DZIP1L: variants seen among roughly 807,000 people sequenced by gnomAD.
The protein encoded by DZIP1L is cilium assembly protein DZIP1L.
Under a neutral mutation model 88.7 loss-of-function variants are expected in DZIP1L, and 90 were observed. The observed-to-expected ratio is 1.02, with a 90% CI of 0.86 to 1.21. The LOEUF is 1.21. Ranked by LOEUF, DZIP1L falls within the 50% of genes most tolerant of loss-of-function variation. The pLI is 0.00. For synonymous variants in DZIP1L, 363 were observed against 372.1 expected (o/e 0.98, Z 0.28); for missense variants, 932 against 955.8 (o/e 0.98, Z 0.33).
At chr3:138,089,875 G>A (rs920613434) in intron 5 of DZIP1L, among the ~76,000 whole-genome samples, 23 of 152,062 alleles carry the variant, frequency 1.5e-4, no homozygotes, top group Admixed American at 3.9e-4. Flanking sequence ...TGGGCCAAGC[G>A]CAGTGACTCA....
chr3:138,105,760 A>C (rs2107856974), intron 1 of DZIP1L, among the ~76,000 whole-genome samples: 1 of 152,286 alleles, frequency 6.6e-6, no homozygotes, highest in South Asian at 2.1e-4. Flanking sequence ...ATACATATGA[A>C]AGACTCATAT....
At chr3:138,099,506 T>C (rs1362225835) in intron 2 of DZIP1L, among the ~76,000 whole-genome samples, 1 of 152,178 alleles carries the variant, frequency 6.6e-6, no homozygotes, top group Non-Finnish European at 1.5e-5. Context: ...ATCCTTGGAA[T>C]CTCCAGAGTA....
intron 11 of DZIP1L, among the ~76,000 whole-genome samples, chr3:138,072,252 A>G (rs1452070775): frequency 6.6e-6 from 1 of 152,190 alleles, no homozygotes. Context: ...TTAAAAAACT[A>G]AACTGCTGTA....
chr3:138,072,044 G>A (rs575760402), intron 11 of DZIP1L, among the ~76,000 whole-genome samples: 2 of 152,292 alleles, frequency 1.3e-5, no homozygotes, highest in South Asian at 2.1e-4. Context: ...GGGTTTGGGA[G>A]CCCCATCAAA....
At chr3:138,082,047 A>G (rs114617593) in intron 8 of DZIP1L, among the ~76,000 whole-genome samples, 1,598 of 152,340 alleles carry the variant, frequency 0.01, 23 homozygotes, top group African/African-American at 0.035. Flanking sequence ...AGCCCCATAG[A>G]AACAGAGTGG....
chr3:138,089,837 G>A (rs987303888), intron 5 of DZIP1L, among the ~76,000 whole-genome samples: 1 of 152,038 alleles, frequency 6.6e-6, no homozygotes, highest in African/African-American at 2.4e-5. Flanking sequence ...TAATCCTATA[G>A]GGGAAAGGTT....
At chr3:138,106,616 G>C (rs533317119) in intron 1 of DZIP1L, among the ~76,000 whole-genome samples, 1 of 151,480 alleles carries the variant, frequency 6.6e-6, no homozygotes, top group Non-Finnish European at 1.5e-5. Context: ...GGTGGATCAC[G>C]AGGTCAAGAG....
chr3:138,084,091 C>G, intron 8 of DZIP1L, 22 bp downstream of exon 8: 1 of 1,611,020 alleles, frequency 6.2e-7, no homozygotes, highest in Non-Finnish European at 8.5e-7. Flanking sequence ...CAAGGCCTGG[C>G]TGAAAGGAAG....
intron 3 of DZIP1L, 106 bp downstream of exon 3, chr3:138,097,657 G>T: frequency 9.7e-7 from 1 of 1,028,116 alleles, no homozygotes; most frequent in Non-Finnish European, 1.4e-6. Flanking sequence ...GGACAGTGAG[G>T]TTCTGAGAGC....
rs943339081 is a variant in DZIP1L at position 138,115,574 on chromosome 3, G to C, written c.-328C>G. 6.6e-6 allele frequency: 1 copy of C among 152,166 alleles called. No homozygotes were observed. Among genetic ancestry groups the C allele is most frequent in the Non-Finnish European group, 1.5e-5 (1 of 68,050 alleles). 9.4% of individuals were successfully genotyped at this position (152,166 alleles called of 1,614,324 possible). On this transcript the variant is annotated 5_prime_UTR_variant, in exon 1 of 16. Transcript: ENST00000327532. The stretch of plus-strand genomic sequence containing the variant: ...CCGCCAACCTGCGGGACCGCGGACA[G>C]AGAGCTCCTCGGTGCGTCGGTCAGC...
At chr3:138,070,050 C>T (rs1287650416) in intron 12 of DZIP1L, among the ~76,000 whole-genome samples, 2 of 152,152 alleles carry the variant, frequency 1.3e-5, no homozygotes, top group Non-Finnish European at 2.9e-5. Flanking sequence ...GTGGGTGGGG[C>T]GTAGCACCTA....
At chr3:138,110,229 C>T (rs754366890) in intron 1 of DZIP1L, among the ~76,000 whole-genome samples, 2 of 151,994 alleles carry the variant, frequency 1.3e-5, no homozygotes, top group African/African-American at 2.4e-5. Context: ...CCTGTTCTCA[C>T]TCATAGGTGG....
At chr3:138,077,408 T>G in intron 11 of DZIP1L, 91 bp downstream of exon 11, 1 of 1,556,938 alleles carries the variant, frequency 6.4e-7, no homozygotes, top group Non-Finnish European at 8.7e-7. Flanking sequence ...GAGCTCACAA[T>G]GCAAAGAACA....
intron 9 of DZIP1L, among the ~76,000 whole-genome samples, chr3:138,081,004 T>A (rs541053000): frequency 6.6e-6 from 1 of 152,194 alleles, no homozygotes; most frequent in Admixed American, 6.5e-5. Flanking sequence ...AGGGTCTCCA[T>A]CCCTCAAGAA....
Position 138,063,011 on chromosome 3 carries a change from TTGATAAGGGAGG to T in DZIP1L, c.2143-46_2143-35del. On this transcript the variant is annotated intron_variant, in intron 15 of 15. Coordinates refer to ENST00000327532, the MANE Select transcript of DZIP1L (RefSeq NM_173543.3). This position sits in a 1 kb window ranked among gnomAD's most constrained non-coding sequence, Gnocchi z 4.1. ...GGTAAAGGGGAGAAGAAAATGCATT[TTGATAAGGGAGG>T]AGGGTGGCTGAGAGCTAAGCACATT... 1 of 1,609,044 alleles carries T rather than the reference TTGATAAGGGAGG, an allele frequency of 6.2e-7. No individual in the cohort carries two copies. Among genetic ancestry groups the T allele is most frequent in the Non-Finnish European group, 8.5e-7 (1 of 1,178,508 alleles).
In DZIP1L at chr3:138,103,658, C is replaced by T; in HGVS notation, c.314G>A (p.Ser105Asn). The change falls in exon 2 of 16, where the codon AGT becomes AAT. Residue 105 changes from serine to asparagine, a missense_variant. Ser to Asn is a conservative substitution (Grantham distance 46). Transcript: ENST00000327532. Reference sequence around the variant, plus strand: ...TGCCTCCAGCTGGGCAACACTGGCACTCAGGCAATCCTGGCAGTGCAGCAG... The same window carrying T: ...TGCCTCCAGCTGGGCAACACTGGCATTCAGGCAATCCTGGCAGTGCAGCAG... ...EYLLHCQDCL[S>N]ASVAQLEARL... The T allele has an allele frequency of 6.2e-7, 1 of 1,609,246 alleles. No individual in the cohort carries two copies. The highest frequency in any genetic ancestry group is 8.5e-7 in the Non-Finnish European group (1 of 1,179,614).
chr3:138,081,684 C>T, intron 9 of DZIP1L, 50 bp downstream of exon 9: 1 of 1,572,574 alleles, frequency 6.4e-7, no homozygotes, highest in Non-Finnish European at 8.6e-7. Flanking sequence ...GGGAGAAAAG[C>T]CAGAGACAAT....
intron 6 of DZIP1L, among the ~76,000 whole-genome samples, chr3:138,087,922 C>T (rs756474458): frequency 6.6e-6 from 1 of 152,230 alleles, no homozygotes; most frequent in Non-Finnish European, 1.5e-5. Flanking sequence ...TCAGTGACCT[C>T]ACATTGATAG....
rs563388156 is a variant in DZIP1L at position 138,102,700 on chromosome 3, A to C, written c.501+771T>G. ...GTCCACCTCCAGGTTAAGGGGGCTC[A>C]GCAGGCTCTGGTTGACAGTGATGGC... On this transcript the variant is annotated intron_variant, in intron 2 of 15. Transcript: ENST00000327532. The C allele has an allele frequency of 5.6e-6, 5 of 900,284 alleles. No homozygotes were observed. In the East Asian group the frequency reaches 1.2e-4, roughly 22 times the overall value. The allele number at this position is 900,284 out of a possible 1,614,324, so 55.8% of individuals were successfully genotyped here. A position where few individuals can be genotyped will look rare whatever the true frequency, so the allele number is the denominator to read the frequency against.
Sources: allele counts gnomAD v4.1 joint callset (sites outside exome capture counted in the v4.1 genomes callset), GRCh38; gene constraint gnomAD v4.1.1; non-coding constraint Gnocchi (gnomAD v3.1); transcripts MANE v1.5; gene names NCBI Gene and HGNC (gene_info 2026-07-23, HGNC 2026-07-21).